Variants in NWD2 observed in about 807,000 individuals in gnomAD.
NWD2 encodes the protein NACHT and WD repeat domain-containing protein 2.
Under a neutral mutation model 132.7 loss-of-function variants are expected in NWD2, and 37 were observed. The observed-to-expected ratio is 0.28, with a 90% CI of 0.21 to 0.37. NWD2 has a LOEUF of 0.37. Ranked by LOEUF, NWD2 falls within the 10% of genes least tolerant of loss-of-function variation. NWD2 has a pLI of 1.00. For synonymous variants in NWD2, 705 were observed against 803.0 expected, an observed-to-expected ratio of 0.88 and a Z score of 2.06; for missense variants, 1,592 against 2,122.4, an observed-to-expected ratio of 0.75 and a Z score of 4.91.
intron 1 of NWD2, among the ~76,000 whole-genome samples, chr4:37,312,696 C>T (rs1487211225): frequency 6.6e-6 from 1 of 150,938 alleles, no homozygotes. Context: ...GAGGGCATCC[C>T]TGTCTTGTGC....
chr4:37,258,363 G>A (rs1032298994), intron 1 of NWD2, among the ~76,000 whole-genome samples: 10 of 152,252 alleles, frequency 6.6e-5, no homozygotes, highest in African/African-American at 2.4e-4. Context: ...AGTGACTAAA[G>A]AGCATTTGTG....
chr4:37,308,342 T>G (rs533566955), intron 1 of NWD2, among the ~76,000 whole-genome samples: 1 of 152,334 alleles, frequency 6.6e-6, no homozygotes, highest in Admixed American at 6.5e-5. Flanking sequence ...AGTGTCCATG[T>G]GTTTCTTCAG....
intron 1 of NWD2, among the ~76,000 whole-genome samples, chr4:37,260,156 A>G (rs762329331): frequency 6.6e-6 from 1 of 152,124 alleles, no homozygotes; most frequent in African/African-American, 2.4e-5. Flanking sequence ...TTGTTTTCCA[A>G]TAGTGTCATG....
At chr4:37,285,240 G>A (rs960674639) in intron 1 of NWD2, among the ~76,000 whole-genome samples, 21 of 152,152 alleles carry the variant, frequency 1.4e-4, no homozygotes, top group African/African-American at 5.1e-4. Context: ...AACTTTTATA[G>A]GAATAGTCCT....
intron 1 of NWD2, among the ~76,000 whole-genome samples, chr4:37,262,076 A>G (rs1163425904): frequency 6.6e-6 from 1 of 152,210 alleles, no homozygotes; most frequent in Non-Finnish European, 1.5e-5. Context: ...CCATCCAACC[A>G]GAATAAATGC....
chr4:37,343,093 T>C (rs1166402378), intron 2 of NWD2, among the ~76,000 whole-genome samples: 1 of 152,242 alleles, frequency 6.6e-6, no homozygotes, highest in African/African-American at 2.4e-5. Flanking sequence ...CAAGTCGTTC[T>C]ACCCAGAGGA....
chr4:37,335,942 C>T (rs569092803), intron 2 of NWD2, among the ~76,000 whole-genome samples: 1 of 151,188 alleles, frequency 6.6e-6, no homozygotes, highest in African/African-American at 2.4e-5. Flanking sequence ...AGAGTCTATA[C>T]CATCACTGTG....
At chr4:37,350,615 T>C (rs1034904082) in intron 2 of NWD2, among the ~76,000 whole-genome samples, 1 of 152,142 alleles carries the variant, frequency 6.6e-6, no homozygotes, top group Non-Finnish European at 1.5e-5. Flanking sequence ...AATATACAAT[T>C]ATGTCATCTG....
intron 2 of NWD2, among the ~76,000 whole-genome samples, chr4:37,344,849 T>C: frequency 6.6e-6 from 1 of 152,140 alleles, no homozygotes; most frequent in East Asian, 1.9e-4. Flanking sequence ...CCCTGTGCCC[T>C]TTAGCTATGA....
intron 1 of NWD2, among the ~76,000 whole-genome samples, chr4:37,255,551 T>C (rs1717499664): frequency 6.6e-6 from 1 of 152,062 alleles, no homozygotes; most frequent in Non-Finnish European, 1.5e-5. Context: ...AAGAGTAGGG[T>C]TTATTTAGAT....
intron 3 of NWD2, among the ~76,000 whole-genome samples, chr4:37,380,542 T>A (rs1205967471): frequency 6.6e-6 from 1 of 152,234 alleles, no homozygotes; most frequent in Non-Finnish European, 1.5e-5. Context: ...TTTATGTTGC[T>A]TAGCACAGGG....
intron 3 of NWD2, among the ~76,000 whole-genome samples, chr4:37,405,428 A>ATAGAG (rs1720980815): frequency 4.5e-5 from 1 of 22,182 alleles, no homozygotes; most frequent in Non-Finnish European, 1.1e-4. Flanking sequence ...ATGTAATAGA[A>ATAGAG]TAGAATAGAA....
At chr4:37,352,540 G>T (rs773916028) in intron 2 of NWD2, among the ~76,000 whole-genome samples, 2 of 152,160 alleles carry the variant, frequency 1.3e-5, no homozygotes, top group African/African-American at 4.8e-5. Context: ...ATGAATCTGG[G>T]TGCTCCTGTA....
At chr4:37,437,547 A>G (rs1712353325) in intron 5 of NWD2, among the ~76,000 whole-genome samples, 1 of 152,076 alleles carries the variant, frequency 6.6e-6, no homozygotes, top group Non-Finnish European at 1.5e-5. Context: ...TTCTCTCACC[A>G]TTGTATCCTA....
intron 3 of NWD2, among the ~76,000 whole-genome samples, chr4:37,378,905 T>A (rs973081704): frequency 6.6e-6 from 1 of 152,220 alleles, no homozygotes; most frequent in Non-Finnish European, 1.5e-5. Context: ...TTTGATAGTT[T>A]TACAAGTAGA....
At chr4:37,288,483 A>G (rs1398523875) in intron 1 of NWD2, among the ~76,000 whole-genome samples, 1 of 152,246 alleles carries the variant, frequency 6.6e-6, no homozygotes, top group Non-Finnish European at 1.5e-5. Context: ...AGGGAGAAAC[A>G]GTTGTTAAAT....
At chr4:37,374,082 TG>T (rs1427790747) in intron 3 of NWD2, among the ~76,000 whole-genome samples, 1 of 152,182 alleles carries the variant, frequency 6.6e-6, no homozygotes, top group Non-Finnish European at 1.5e-5. Flanking sequence ...GTATTGGAGA[TG>T]GGGCCCAGTG....
chr4:37,390,235 C>CT (rs1465549639), intron 3 of NWD2, among the ~76,000 whole-genome samples: 2 of 141,042 alleles, frequency 1.4e-5, no homozygotes, highest in Admixed American at 1.4e-4. Flanking sequence ...TGTACATATA[C>CT]TTTAAGTATA....
chr4:37,263,053 C>T (rs1717677147), intron 1 of NWD2, among the ~76,000 whole-genome samples: 1 of 152,160 alleles, frequency 6.6e-6, no homozygotes, highest in Admixed American at 6.5e-5. Context: ...TAGCTATAGT[C>T]TCAGCAGAGT....
Sources: allele counts gnomAD v4.1 joint callset (sites outside exome capture counted in the v4.1 genomes callset), GRCh38; gene constraint gnomAD v4.1.1; transcripts MANE v1.5; gene names NCBI Gene and HGNC (gene_info 2026-07-23, HGNC 2026-07-21).